Variants in NRG1 observed in about 807,000 individuals in gnomAD.
NRG1 encodes the protein pro-neuregulin-1, membrane-bound isoform.
NRG1 carries 18 observed loss-of-function variants against 63.8 expected under a neutral mutation model. That is an observed-to-expected ratio of 0.28 (90% CI 0.19 to 0.42). The LOEUF (loss-of-function observed/expected upper bound fraction) is 0.42. NRG1 is among the 10% of genes least tolerant of loss of function. The probability of loss-of-function intolerance (pLI) is 1.00; values close to 1 mark genes in which losing one functional copy is unlikely to be tolerated. For missense variants in NRG1, 762 were observed against 814.7 expected, an observed-to-expected ratio of 0.94 and a Z score of 0.79; for synonymous variants, 302 against 301.3, an observed-to-expected ratio of 1.00 and a Z score of -0.02.
chr8:32,661,595 A>G (rs566928575), intron 5 of NRG1, among the ~76,000 whole-genome samples: 2 of 152,148 alleles, frequency 1.3e-5, no homozygotes, highest in South Asian at 2.1e-4. Flanking sequence ...GGGCTGGTCT[A>G]AAAAACAGGA....
At chr8:31,968,317 T>C (rs1806705418) in intron 1 of NRG1, among the ~76,000 whole-genome samples, 1 of 152,182 alleles carries the variant, frequency 6.6e-6, no homozygotes, top group African/African-American at 2.4e-5. Context: ...ATGTCCTAAC[T>C]GGCTTGGCTC....
intron 5 of NRG1, among the ~76,000 whole-genome samples, chr8:32,666,732 CT>C (rs1804264852): frequency 6.6e-6 from 1 of 152,184 alleles, no homozygotes; most frequent in Non-Finnish European, 1.5e-5. Context: ...GAGCTCCAGA[CT>C]TTGTCATCTT....
intron 1 of NRG1, among the ~76,000 whole-genome samples, chr8:32,529,146 A>T (rs1831184838): frequency 6.6e-6 from 1 of 152,228 alleles, no homozygotes. Flanking sequence ...CTGCAAATCC[A>T]TACAGCCTGC....
chr8:31,753,739 GT>G (rs982298514), intron 1 of NRG1, among the ~76,000 whole-genome samples: 3 of 151,858 alleles, frequency 2.0e-5, no homozygotes, highest in Non-Finnish European at 4.4e-5. Flanking sequence ...ATATATCAGG[GT>G]TTTTTTAAGT....
intron 5 of NRG1, among the ~76,000 whole-genome samples, chr8:32,709,520 C>T (rs1056864803): frequency 1.3e-5 from 2 of 152,018 alleles, no homozygotes; most frequent in Non-Finnish European, 2.9e-5. Context: ...AAATGATCCT[C>T]CCACCTCAGC....
At chr8:31,981,730 A>G (rs983902842) in intron 1 of NRG1, among the ~76,000 whole-genome samples, 10 of 151,958 alleles carry the variant, frequency 6.6e-5, no homozygotes, top group African/African-American at 2.4e-4. Flanking sequence ...TAAAAACAGC[A>G]TGGTCATGGG....
At chr8:32,319,151 T>C (rs910153504) in intron 1 of NRG1, among the ~76,000 whole-genome samples, 1 of 152,186 alleles carries the variant, frequency 6.6e-6, no homozygotes, top group African/African-American at 2.4e-5. Context: ...CCCTATGCAG[T>C]GTCTATTTGT....
At chr8:31,804,627 G>A (rs1822101786) in intron 1 of NRG1, among the ~76,000 whole-genome samples, 2 of 152,164 alleles carry the variant, frequency 1.3e-5, no homozygotes. Flanking sequence ...GCCTGTAGGG[G>A]GAGGCCTGCA....
intron 1 of NRG1, among the ~76,000 whole-genome samples, chr8:31,895,565 T>C (rs1831514640): frequency 6.6e-6 from 1 of 152,222 alleles, no homozygotes; most frequent in African/African-American, 2.4e-5. Context: ...AGTCTGATCT[T>C]CATTTTTATC....
intron 1 of NRG1, among the ~76,000 whole-genome samples, chr8:32,043,061 G>A (rs929538847): frequency 2.0e-5 from 3 of 149,618 alleles, no homozygotes; most frequent in Admixed American, 6.7e-5. Flanking sequence ...TCCCAAATTA[G>A]CCAAATCACA....
intron 1 of NRG1, among the ~76,000 whole-genome samples, chr8:32,334,334 G>GA (rs1234796858): frequency 6.6e-6 from 1 of 152,140 alleles, no homozygotes; most frequent in Non-Finnish European, 1.5e-5. Flanking sequence ...TGTAATCTTA[G>GA]AAAAAATAAT....
chr8:32,306,478 A>G (rs1396319820), intron 1 of NRG1, among the ~76,000 whole-genome samples: 3 of 152,210 alleles, frequency 2.0e-5, no homozygotes, highest in Non-Finnish European at 4.4e-5. Context: ...CTGGGTATCA[A>G]CTGCTTTCCC....
intron 1 of NRG1, among the ~76,000 whole-genome samples, chr8:31,861,285 A>T: frequency 6.6e-6 from 1 of 152,160 alleles, no homozygotes; most frequent in Non-Finnish European, 1.5e-5. Flanking sequence ...GGCTAGTGTT[A>T]TCTCATTCAG....
intron 5 of NRG1, among the ~76,000 whole-genome samples, chr8:32,625,807 T>C (rs189040273): frequency 0.013 from 1,910 of 148,068 alleles, 30 homozygotes; most frequent in African/African-American, 0.045. Context: ...TTTTTTTTTT[T>C]TTCTTGAGAC....
intron 1 of NRG1, among the ~76,000 whole-genome samples, chr8:32,414,767 C>T (rs901649639): frequency 1.3e-5 from 2 of 152,064 alleles, no homozygotes; most frequent in Admixed American, 6.6e-5. Flanking sequence ...TATTAGAGTT[C>T]GACAAAATCT....
At chr8:32,631,116 T>A (rs1354721989) in intron 5 of NRG1, among the ~76,000 whole-genome samples, 1 of 152,222 alleles carries the variant, frequency 6.6e-6, no homozygotes, top group Non-Finnish European at 1.5e-5. Context: ...TTTACCTCTT[T>A]TATACCAGTT....
intron 1 of NRG1, among the ~76,000 whole-genome samples, chr8:32,362,012 C>T (rs908105338): frequency 8.5e-5 from 13 of 152,110 alleles, no homozygotes; most frequent in African/African-American, 3.1e-4. Context: ...TCAAGTGTCA[C>T]TTTTGTGGGG....
intron 1 of NRG1, among the ~76,000 whole-genome samples, chr8:31,727,190 G>A (rs998290963): frequency 6.6e-6 from 1 of 152,148 alleles, no homozygotes; most frequent in East Asian, 1.9e-4. Context: ...GTGGGACTCA[G>A]ATATGTAAAT....
At chr8:32,421,792 AAC>A (rs1260684086) in intron 1 of NRG1, among the ~76,000 whole-genome samples, 2 of 152,180 alleles carry the variant, frequency 1.3e-5, no homozygotes, top group Non-Finnish European at 2.9e-5. Flanking sequence ...AGAGAGGAAA[AAC>A]ACCTAAGCTG....
Sources: gnomAD v4.1 joint callset for allele counts (sites outside exome capture counted in the v4.1 genomes callset) on GRCh38, gnomAD v4.1.1 for gene constraint, MANE v1.5 for transcripts, NCBI Gene and HGNC (gene_info 2026-07-23, HGNC 2026-07-21) for gene names.